Variants in HMG20B observed in about 807,000 individuals in gnomAD.
HMG20B encodes the protein high mobility group 20B, also known as SWI/SNF-related matrix-associated actin-dependent regulator of chromatin subfamily E member 1-related.
HMG20B carries 24 observed loss-of-function variants against 41.6 expected under a neutral mutation model. The ratio of observed to expected loss-of-function variants is 0.58; its 90% CI spans 0.42 to 0.81. The LOEUF (loss-of-function observed/expected upper bound fraction) is 0.81, where lower values mean the gene tolerates loss of function less well. HMG20B is among the 30% of genes least tolerant of loss of function. HMG20B has a pLI of 0.00. For missense variants in HMG20B, 461 were observed against 444.0 expected, an observed-to-expected ratio of 1.04 and a Z score of -0.34; for synonymous variants, 251 against 186.6, an observed-to-expected ratio of 1.34 and a Z score of -2.81.
chr19:3,573,756 G>T lies in HMG20B; in HGVS notation c.103G>T (p.Gly35Cys), dbSNP rs761341227. ...CGTGGTGACTGTCAAGCAAGAGCGC[G>T]GCGAGGGTCCACGCGCGGGCGAGAA... Reference protein sequence around the residue: ...GFVVTVKQERGEGPRAGEKGS... With the variant: ...GFVVTVKQERCEGPRAGEKGS... Residue 35 changes from glycine (G) to cysteine (C), a missense_variant, in exon 3 of 10, where the codon GGC becomes TGC. Physicochemically the swap from Gly to Cys is radical, Grantham distance 159. This residue lies in a region of HMG20B where 104 missense variants were observed against 76.5 expected (regional missense o/e 1.36). Coordinates refer to ENST00000333651, the MANE Select transcript of HMG20B (RefSeq NM_006339.3). 6.4e-7 allele frequency: 1 copy of T among 1,554,886 alleles called. No individual in the cohort carries two copies. Among genetic ancestry groups the T allele is most frequent in the Non-Finnish European group, 8.7e-7 (1 of 1,154,678 alleles).
Position 3,576,995 on chromosome 19 carries a change from G to A in HMG20B, c.696G>A (p.Glu232=), listed in dbSNP as rs2032176298. The A allele has an allele frequency of 7.7e-6, 12 of 1,563,210 alleles. No individual in the cohort carries two copies. The highest frequency in any genetic ancestry group is 1.0e-5 in the Non-Finnish European group (12 of 1,155,342). ...RHTQSMSSAR[E]RLEQELALEE... ...CGCAGAGCATGAGCAGCGCGCGCGAGCGTCTGGAGCAGGAGCTGGCGCTGG... is the reference window on the plus strand; with the variant it reads ...CGCAGAGCATGAGCAGCGCGCGCGAACGTCTGGAGCAGGAGCTGGCGCTGG... Residue 232 remains glutamate, a synonymous_variant, in exon 8 of 10, where the codon GAG becomes GAA. Transcript: ENST00000333651.
rs1454809044 is a variant in HMG20B at position 3,574,554 on chromosome 19, G to T, written c.319G>T (p.Glu107Ter). 3 of 1,603,290 alleles carry T rather than the reference G, an allele frequency of 1.9e-6. No individual in the cohort carries two copies. Among genetic ancestry groups the T allele is most frequent in the East Asian group, 2.2e-5 (1 of 44,578 alleles). The change falls in exon 4 of 10, where the codon GAG (glutamate) becomes TAG (stop). Residue 107 changes from glutamate to a stop codon, truncating the protein, a stop_gained. Coordinates refer to ENST00000333651, the MANE Select transcript of HMG20B (RefSeq NM_006339.3). LOFTEE classifies it high-confidence loss of function. ...CGAGATCACCAAGATGCTGGGCGCC[G>T]AGTGGAGCAAGCTGCAGCCAACGGA... ...FPEITKMLGA[E>*]WSKLQPTEKQ... is the part of the protein sequence containing the mutation.
In HMG20B at chr19:3,578,857, AG is replaced by A; in HGVS notation, c.*338del. On this transcript the variant is annotated 3_prime_UTR_variant, in exon 10 of 10. Coordinates refer to ENST00000333651, the MANE Select transcript of HMG20B (RefSeq NM_006339.3). ...ACGAAACCCACCCCCAGCACACGGC[AG>A]GACCCCCCAAATTACTCACTACGGG... is the stretch of plus-strand genomic sequence containing the variant. 1.7e-6 allele frequency: 1 copy of A among 601,368 alleles called. No individual in the cohort carries two copies. Among genetic ancestry groups the A allele is most frequent in the Non-Finnish European group, 3.1e-6 (1 of 319,818 alleles). The allele number at this position is 601,368 out of a possible 1,614,324, so 37.3% of individuals were successfully genotyped here. A position where few individuals can be genotyped will look rare whatever the true frequency, so the allele number is the denominator to read the frequency against.
chr19:3,573,014 T>G lies in HMG20B; in HGVS notation c.-19+20T>G, dbSNP rs990514209. The G allele has an allele frequency of 2.6e-6, 1 of 383,816 alleles. No individual in the cohort carries two copies. Among genetic ancestry groups the G allele is most frequent in the African/African-American group, 2.1e-5 (1 of 47,396 alleles). 23.8% of individuals were successfully genotyped at this position (383,816 alleles called of 1,614,324 possible). A position where few individuals can be genotyped will look rare whatever the true frequency, so the allele number is the denominator to read the frequency against. ...TTGGAGGTGAAAACAGCCGCGGAAC[T>G]CCGGGCCCTGAGAGGGGGCGGGGGT... On this transcript the variant is annotated intron_variant, in intron 1 of 9. Transcript: ENST00000333651.
Position 3,577,055 on chromosome 19 carries a change from C to G in HMG20B, c.756C>G (p.Leu252=), listed in dbSNP as rs1568273032. Reference sequence around the variant, plus strand: ...GGACGCTGGCGCTGCAGCAGCAGCTCCAGGCCGTGCGCCAGGCGCTCACCG... The same window carrying G: ...GGACGCTGGCGCTGCAGCAGCAGCTGCAGGCCGTGCGCCAGGCGCTCACCG... ...ERRTLALQQQ[L]QAVRQALTAS... is the part of the protein sequence containing the mutation. The change falls in exon 8 of 10, where the codon CTC becomes CTG. Residue 252 remains leucine, a synonymous_variant. Transcript: ENST00000333651. 3.0e-5 allele frequency: 47 copies of G among 1,545,254 alleles called. No individual in the cohort carries two copies. Among genetic ancestry groups the G allele is most frequent in the Non-Finnish European group, 3.7e-5 (42 of 1,146,100 alleles).
In HMG20B at chr19:3,574,538, C is replaced by G. The variant is rs1442649517; in HGVS notation, c.303C>G (p.Thr101=). 18 of 1,605,600 alleles carry G rather than the reference C, an allele frequency of 1.1e-5. No individual in the cohort carries two copies. The highest frequency in any genetic ancestry group is 1.5e-5 in the Non-Finnish European group (18 of 1,177,440). Reference sequence around the variant, plus strand: ...CGGATCTGCCCTTTCCCGAGATCACCAAGATGCTGGGCGCCGAGTGGAGCA... The same window carrying G: ...CGGATCTGCCCTTTCCCGAGATCACGAAGATGCTGGGCGCCGAGTGGAGCA... ...RHPDLPFPEI[T]KMLGAEWSKL... Residue 101 remains threonine, a synonymous_variant, in exon 4 of 10, where the codon ACC becomes ACG. Coordinates refer to ENST00000333651, the MANE Select transcript of HMG20B (RefSeq NM_006339.3).
chr19:3,578,255 C>T (rs1227702471), intron 9 of HMG20B, 142 bp downstream of exon 9: 2 of 1,255,378 alleles, frequency 1.6e-6, no homozygotes, highest in Non-Finnish European at 2.2e-6. Flanking sequence ...TACCTGCGGT[C>T]GCCCCTGATG....
Position 3,576,884 on chromosome 19 carries a change from C to T in HMG20B, c.593-8C>T, listed in dbSNP as rs1331451230. ...GCGCAGGCTTTGACCCCGCTCCCCC[C>T]GGCGCAGCGCGTGAGGCGGAGCTTC... On this transcript the variant is annotated splice_region_variant and splice_polypyrimidine_tract_variant and intron_variant, in intron 7 of 9. Coordinates refer to ENST00000333651, the MANE Select transcript of HMG20B (RefSeq NM_006339.3). 1.3e-6 allele frequency: 2 copies of T among 1,562,652 alleles called. No individual in the cohort carries two copies. The highest frequency in any genetic ancestry group is 1.2e-5 in the South Asian group (1 of 84,902).
chr19:3,576,676 AG>A (rs2032168649), intron 7 of HMG20B, 51 bp downstream of exon 7: 30 of 1,536,442 alleles, frequency 2.0e-5, no homozygotes, highest in Non-Finnish European at 2.7e-5. Flanking sequence ...TGGGTGGTAG[AG>A]GGGGGCGTGG....
chr19:3,576,785 G>C, intron 7 of HMG20B, 107 bp from the exon 8 acceptor site: 3 of 1,326,928 alleles, frequency 2.3e-6, no homozygotes, highest in Non-Finnish European at 3.1e-6. Context: ...GGAGCAGGAG[G>C]CAGAGGGCGC....
Position 3,574,467 on chromosome 19 carries a change from G to A in HMG20B, c.232G>A (p.Val78Met). The A allele has an allele frequency of 6.2e-7, 1 of 1,609,156 alleles. No homozygotes were observed. The highest frequency in any genetic ancestry group is 1.1e-5 in the South Asian group (1 of 90,400). The stretch of plus-strand genomic sequence containing the variant: ...GCCCAAGGCACCGGTCACGGGCTAC[G>A]TGCGCTTCCTGAACGAGCGGCGCGA... ...NGPKAPVTGYVRFLNERREQI... is the reference protein window; with the variant it reads ...NGPKAPVTGYMRFLNERREQI... Residue 78 changes from valine to methionine, a missense_variant, in exon 4 of 10, where the codon GTG (valine) becomes ATG (methionine). Transcript: ENST00000333651.
Position 3,578,815 on chromosome 19 carries a change from C to A in HMG20B, c.*294C>A. On this transcript the variant is annotated 3_prime_UTR_variant, in exon 10 of 10. Transcript: ENST00000333651. ...CGCTACACTGGCTCTCCGGGCCACCCCCAGGACACAGGGCAGACGAAACCC... is the reference window on the plus strand; with the variant it reads ...CGCTACACTGGCTCTCCGGGCCACCACCAGGACACAGGGCAGACGAAACCC... 2 of 699,726 alleles carry A rather than the reference C, an allele frequency of 2.9e-6. No homozygotes were observed. Among genetic ancestry groups the A allele is most frequent in the Non-Finnish European group, 5.3e-6 (2 of 380,842 alleles). 43.3% of individuals were successfully genotyped at this position (699,726 alleles called of 1,614,324 possible). A position where few individuals can be genotyped will look rare whatever the true frequency, so the allele number is the denominator to read the frequency against.
In HMG20B at chr19:3,574,504, C is replaced by G; in HGVS notation, c.269C>G (p.Thr90Arg). 1 of 1,606,034 alleles carries G rather than the reference C, an allele frequency of 6.2e-7. No individual in the cohort carries two copies. Residue 90 changes from threonine (T) to arginine (R), a missense_variant, in exon 4 of 10, where the codon ACG (threonine) becomes AGG (arginine). Around this residue, in one of 3 missense-constraint regions of HMG20B, gnomAD observed 49 missense variants for 84.1 expected, o/e 0.58. Coordinates refer to ENST00000333651, the MANE Select transcript of HMG20B (RefSeq NM_006339.3). Reference sequence around the variant, plus strand: ...AACGAGCGGCGCGAGCAGATCCGCACGCGCCACCCGGATCTGCCCTTTCCC... The same window carrying G: ...AACGAGCGGCGCGAGCAGATCCGCAGGCGCCACCCGGATCTGCCCTTTCCC... ...FLNERREQIR[T>R]RHPDLPFPEI... is the part of the protein sequence containing the mutation.
intron 4 of HMG20B, 178 bp from the exon 5 acceptor site, chr19:3,575,362 G>T (rs2032134497): frequency 9.5e-7 from 1 of 1,047,948 alleles, no homozygotes; most frequent in Non-Finnish European, 1.3e-6. Flanking sequence ...GGGAAGTGAG[G>T]TGGGAGCTCG....
rs1242200905 is a variant in HMG20B at position 3,574,583 on chromosome 19, G to A, written c.348G>A (p.Lys116=). The change falls in exon 4 of 10, where the codon AAG becomes AAA. Residue 116 remains lysine, a synonymous_variant. Transcript: ENST00000333651. The part of the protein sequence containing the change: ...AEWSKLQPTE[K]QRYLDEAERE... The stretch of plus-strand genomic sequence containing the variant: ...GGAGCAAGCTGCAGCCAACGGAAAA[G>A]CAGGTGGGCGGGGCGGGGCGCCGAG... 1.3e-6 allele frequency: 2 copies of A among 1,594,680 alleles called. No individual in the cohort carries two copies. Among genetic ancestry groups the A allele is most frequent in the South Asian group, 1.1e-5 (1 of 88,966 alleles).
Position 3,574,391 on chromosome 19 carries a change from G to A in HMG20B, c.156G>A (p.Lys52=), listed in dbSNP as rs1244340056. Residue 52 remains lysine (K), a synonymous_variant, in exon 4 of 10, where the codon AAG becomes AAA. Transcript: ENST00000333651. ...GCAGCCCGGTTCTGCAGCCGGTGAAGAAACGCGGCTGGCCCAAGGGCAAGA... is the reference window on the plus strand; with the variant it reads ...GCAGCCCGGTTCTGCAGCCGGTGAAAAAACGCGGCTGGCCCAAGGGCAAGA... ...EKGSHEEEPV[K]KRGWPKGKKR... is the part of the protein sequence containing the mutation. The A allele has an allele frequency of 6.3e-7, 1 of 1,589,244 alleles. No homozygotes were observed. The highest frequency in any genetic ancestry group is 1.3e-5 in the African/African-American group (1 of 74,320).
chr19:3,575,314 G>C (rs1482849265), intron 4 of HMG20B, among the ~76,000 whole-genome samples: 1 of 152,168 alleles, frequency 6.6e-6, no homozygotes, highest in Non-Finnish European at 1.5e-5. Flanking sequence ...TCCGGGAGTG[G>C]TTTGTCAGGG....
In HMG20B at chr19:3,573,258, G is replaced by A. The variant is rs1421206090; in HGVS notation, c.-18-34G>A. ...CGCGGTCTGCCATCGGGCAGCCCGG[G>A]CGCTACTCACCTCCGCCCGCGTCCG... On this transcript the variant is annotated intron_variant, in intron 1 of 9. Transcript: ENST00000333651. 5.3e-6 allele frequency: 8 copies of A among 1,500,960 alleles called. No individual in the cohort carries two copies. In the Admixed American group the frequency reaches 6.2e-5, roughly 12 times the overall value. 93.0% of individuals were successfully genotyped at this position (1,500,960 alleles called of 1,614,324 possible).
intron 1 of HMG20B, 88 bp from the exon 2 acceptor site, chr19:3,573,204 G>T: frequency 8.9e-7 from 1 of 1,121,726 alleles, no homozygotes; most frequent in Admixed American, 3.0e-5. Flanking sequence ...CCGGCATCCC[G>T]GGGCTCTCCA....
Sources: allele counts gnomAD v4.1 joint callset (sites outside exome capture counted in the v4.1 genomes callset), GRCh38; gene constraint gnomAD v4.1.1; regional missense constraint gnomAD v4.1.1; transcripts MANE v1.5; gene names NCBI Gene and HGNC (gene_info 2026-07-23, HGNC 2026-07-21).